ASTN2: variants seen among roughly 807,000 people sequenced by gnomAD.
ASTN2 encodes astrotactin 2.
In ASTN2, 54 loss-of-function variants were observed where a neutral mutation model predicts 139.8. The ratio of observed to expected loss-of-function variants is 0.39; its 90% CI spans 0.31 to 0.48. The LOEUF (loss-of-function observed/expected upper bound fraction) is 0.48. Among genes scored for constraint, ASTN2 ranks in the 20% least tolerant of loss-of-function variants. The pLI is 0.95. For synonymous variants in ASTN2, 756 were observed against 719.5 expected (o/e 1.05, Z -0.81); for missense variants, 1,565 against 1,725.1 (o/e 0.91, Z 1.64).
intron 19 of ASTN2, among the ~76,000 whole-genome samples, chr9:116,591,668 T>A (rs1351785107): frequency 6.6e-6 from 1 of 152,198 alleles, no homozygotes; most frequent in Non-Finnish European, 1.5e-5. Flanking sequence ...TTTTAATGCA[T>A]AAAGTTTGAA....
intron 16 of ASTN2, among the ~76,000 whole-genome samples, chr9:116,675,901 A>G (rs930060674): frequency 1.3e-5 from 2 of 152,124 alleles, no homozygotes; most frequent in Non-Finnish European, 2.9e-5. Context: ...AACAGGGAAA[A>G]AGTTTGAGCT....
intron 2 of ASTN2, among the ~76,000 whole-genome samples, chr9:117,290,001 A>G (rs1051687690): frequency 6.6e-6 from 1 of 152,230 alleles, no homozygotes; most frequent in African/African-American, 2.4e-5. Flanking sequence ...GTTGAAGAGA[A>G]ACGAGAAAGA....
intron 4 of ASTN2, among the ~76,000 whole-genome samples, chr9:117,118,632 T>C (rs986767010): frequency 6.6e-6 from 1 of 152,180 alleles, no homozygotes; most frequent in Admixed American, 6.5e-5. Flanking sequence ...TAGTCTCCAA[T>C]GGATGCTCAT....
chr9:117,063,158 A>G (rs542258540), intron 5 of ASTN2, among the ~76,000 whole-genome samples: 74 of 152,336 alleles, frequency 4.9e-4, no homozygotes, highest in Admixed American at 1.5e-3. Context: ...CAGTTAAAAT[A>G]TATTCCATGG....
intron 13 of ASTN2, among the ~76,000 whole-genome samples, chr9:116,769,249 AG>A: frequency 6.6e-6 from 1 of 152,354 alleles, no homozygotes; most frequent in Admixed American, 6.5e-5. Flanking sequence ...GCTAAATAAA[AG>A]AGTTGGGATG....
At chr9:117,015,579 T>G (rs1396965648) in intron 6 of ASTN2, among the ~76,000 whole-genome samples, 1 of 152,146 alleles carries the variant, frequency 6.6e-6, no homozygotes, top group Non-Finnish European at 1.5e-5. Context: ...ATACCAAGTC[T>G]GGTGTCTTTT....
intron 19 of ASTN2, among the ~76,000 whole-genome samples, chr9:116,508,211 T>C (rs1850195885): frequency 6.6e-6 from 1 of 152,220 alleles, no homozygotes; most frequent in African/African-American, 2.4e-5. Context: ...AAGCCTCAGT[T>C]TTCTTACGTA....
At chr9:116,631,943 G>A (rs1320161400) in intron 17 of ASTN2, among the ~76,000 whole-genome samples, 6 of 151,574 alleles carry the variant, frequency 4.0e-5, no homozygotes, top group African/African-American at 7.3e-5. Flanking sequence ...GTGAAACCCC[G>A]TCTCTACTAA....
At chr9:116,859,353 A>C (rs1832820342) in intron 11 of ASTN2, among the ~76,000 whole-genome samples, 1 of 152,322 alleles carries the variant, frequency 6.6e-6, no homozygotes, top group Non-Finnish European at 1.5e-5. Context: ...AATTACCTAT[A>C]TGAGAAACAT....
chr9:116,720,092 A>C (rs1828430416), intron 16 of ASTN2, among the ~76,000 whole-genome samples: 1 of 152,152 alleles, frequency 6.6e-6, no homozygotes, highest in Non-Finnish European at 1.5e-5. Context: ...GTCCTCAAAG[A>C]AAAGGCGACA....
intron 4 of ASTN2, among the ~76,000 whole-genome samples, chr9:117,119,447 A>G (rs1434336069): frequency 6.6e-6 from 1 of 152,166 alleles, no homozygotes; most frequent in Non-Finnish European, 1.5e-5. Context: ...GTTGAGGAGA[A>G]GGTAAACTAG....
chr9:116,808,697 G>T (rs960743684), intron 12 of ASTN2, among the ~76,000 whole-genome samples: 19 of 152,120 alleles, frequency 1.2e-4, no homozygotes, highest in African/African-American at 4.1e-4. Context: ...AAAAGAAATT[G>T]CTTGGTTAAT....
At chr9:117,348,051 C>A (rs1250560560) in intron 1 of ASTN2, among the ~76,000 whole-genome samples, 1 of 152,148 alleles carries the variant, frequency 6.6e-6, no homozygotes, top group Non-Finnish European at 1.5e-5. Context: ...TTAATATTTG[C>A]AACCAACATT....
intron 5 of ASTN2, among the ~76,000 whole-genome samples, chr9:117,048,337 G>A (rs780425034): frequency 3.9e-5 from 6 of 152,290 alleles, no homozygotes; most frequent in East Asian, 1.9e-4. Flanking sequence ...AAAATGAGAA[G>A]GGCTGTCGCT....
Position 116,814,063 on chromosome 9 carries a change from G to C in ASTN2, c.2207+6554C>G, listed in dbSNP as rs1385385670. On this transcript the variant is annotated intron_variant, in intron 12 of 22. Transcript: ENST00000313400. ...GAAAAAAAAAAAAAAAAGAGAGAGA[G>C]AGAAAAGTAGTTAAGGGTAAGAATA... is the stretch of plus-strand genomic sequence containing the variant. 3.3e-5 allele frequency among the ~76,000 whole-genome samples: 5 copies of C among 151,510 alleles called. No individual in the cohort carries two copies. In the East Asian group the frequency reaches 7.7e-4, roughly 23 times the overall value.
At chr9:116,530,180 A>G (rs1309733715) in intron 19 of ASTN2, among the ~76,000 whole-genome samples, 1 of 139,590 alleles carries the variant, frequency 7.2e-6, no homozygotes, top group Admixed American at 7.3e-5. Flanking sequence ...CCTTAAAAAG[A>G]AGAAAATCCT....
At chr9:117,058,812 G>A (rs1839147650) in intron 5 of ASTN2, among the ~76,000 whole-genome samples, 1 of 152,194 alleles carries the variant, frequency 6.6e-6, no homozygotes, top group African/African-American at 2.4e-5. Context: ...GGGGACATGA[G>A]TGAGTATACC....
chr9:116,981,821 T>G (rs1836519898), intron 7 of ASTN2, among the ~76,000 whole-genome samples: 1 of 152,226 alleles, frequency 6.6e-6, no homozygotes, highest in Admixed American at 6.5e-5. Context: ...ATGTTGTTAG[T>G]AATGGAGACC....
intron 13 of ASTN2, among the ~76,000 whole-genome samples, chr9:116,742,938 A>G (rs1829132376): frequency 6.6e-6 from 1 of 152,146 alleles, no homozygotes; most frequent in Non-Finnish European, 1.5e-5. Context: ...GTTCCAACAC[A>G]TTGCTTCTCT....
Sources: gnomAD v4.1 joint callset for allele counts (sites outside exome capture counted in the v4.1 genomes callset) on GRCh38, gnomAD v4.1.1 for gene constraint, MANE v1.5 for transcripts, NCBI Gene and HGNC (gene_info 2026-07-23, HGNC 2026-07-21) for gene names.